Variants in NTM observed in about 807,000 individuals in gnomAD.
The protein encoded by NTM is neurotrimin, also known as IgLON family member 2.
A neutral mutation model predicts 42.1 loss-of-function variants in NTM; 13 were observed. The ratio of observed to expected loss-of-function variants is 0.31; its 90% confidence interval spans 0.20 to 0.49. NTM has a LOEUF of 0.49. NTM is among the 20% of genes least tolerant of loss of function. NTM has a pLI of 0.99. For missense variants in NTM, 373 were observed against 452.8 expected (o/e 0.82, Z 1.60); for synonymous variants, 187 against 179.2 (o/e 1.04, Z -0.35).
At chr11:132,085,142 G>A (rs2059544039) in intron 2 of NTM, among the ~76,000 whole-genome samples, 1 of 152,076 alleles carries the variant, frequency 6.6e-6, no homozygotes, top group African/African-American at 2.4e-5. Context: ...CTAATTTAAA[G>A]CAATATTTTA....
chr11:131,372,522 C>T (rs543930022), intron 1 of NTM, among the ~76,000 whole-genome samples: 16 of 152,136 alleles, frequency 1.1e-4, no homozygotes, highest in African/African-American at 3.9e-4. Flanking sequence ...AAGCTGAGTT[C>T]AGGATCGGGC....
intron 2 of NTM, among the ~76,000 whole-genome samples, chr11:132,064,353 A>G (rs2081126655): frequency 6.6e-6 from 1 of 152,134 alleles, no homozygotes; most frequent in African/African-American, 2.4e-5. Flanking sequence ...GCAAAGTTAC[A>G]TATATATATG....
At chr11:131,660,589 G>C (rs1592409653) in intron 1 of NTM, 5 of 457,652 alleles carry the variant, frequency 1.1e-5, no homozygotes, top group African/African-American at 6.0e-5. Context: ...TCGAAACCTT[G>C]CTGCCCACAT....
At chr11:131,627,581 C>T (rs1040314957) in intron 1 of NTM, among the ~76,000 whole-genome samples, 1 of 152,030 alleles carries the variant, frequency 6.6e-6, no homozygotes, top group Non-Finnish European at 1.5e-5. Context: ...CCTATAATCC[C>T]AGCATTTTGG....
intron 1 of NTM, among the ~76,000 whole-genome samples, chr11:131,457,411 A>AG (rs145589482): frequency 0.01 from 1,598 of 152,192 alleles, 42 homozygotes; most frequent in African/African-American, 0.035. Context: ...GGGGGAAGGG[A>AG]GGAGAGCAGC....
intron 2 of NTM, among the ~76,000 whole-genome samples, chr11:132,122,665 G>A (rs1422571892): frequency 6.6e-6 from 1 of 152,156 alleles, no homozygotes; most frequent in Non-Finnish European, 1.5e-5. Flanking sequence ...GGGTACCTCA[G>A]AGCCCCAGGG....
At chr11:131,752,046 CA>C in intron 1 of NTM, among the ~76,000 whole-genome samples, 1 of 152,098 alleles carries the variant, frequency 6.6e-6, no homozygotes, top group Non-Finnish European at 1.5e-5. Context: ...AAATGCAAAC[CA>C]AAACCACTAA....
At chr11:131,537,335 A>G (rs1319430210) in intron 1 of NTM, 1 of 152,198 alleles carries the variant, frequency 6.6e-6, no homozygotes, top group Non-Finnish European at 1.5e-5. Context: ...CAGGGGCAGT[A>G]ACATAGACCT....
chr11:132,247,949 T>C (rs1433355374), intron 4 of NTM, among the ~76,000 whole-genome samples: 1 of 152,126 alleles, frequency 6.6e-6, no homozygotes, highest in South Asian at 2.1e-4. Context: ...TCTTAAATCC[T>C]TGGATTTTCC....
chr11:131,998,496 G>A (rs1316531482), intron 2 of NTM, among the ~76,000 whole-genome samples: 4 of 152,188 alleles, frequency 2.6e-5, no homozygotes, highest in Non-Finnish European at 5.9e-5. Context: ...TTGCAAAGGG[G>A]ATAGTACTTA....
chr11:132,058,201 A>G (rs1594201424), intron 2 of NTM, among the ~76,000 whole-genome samples: 2 of 152,132 alleles, frequency 1.3e-5, no homozygotes, highest in East Asian at 3.9e-4. Context: ...GTAACGCTGA[A>G]TGACCATTTG....
rs114179393 is a variant in NTM, at chr11:131,916,731, G to A, written c.167+5083G>A. The stretch of plus-strand genomic sequence containing the variant: ...TAAGGGCGGAACTAGGCCTCCTCCA[G>A]GCTTGCCTCCTAATCCGCAGCACAT... On this transcript the variant is annotated intron_variant, in intron 2 of 8. Transcript: ENST00000683400. Among the ~76,000 whole-genome samples, 432 of 152,262 alleles carry A rather than the reference G, an allele frequency of 2.8e-3. 6 individuals carry two copies. Among genetic ancestry groups the A allele is most frequent in the African/African-American group, 9.5e-3 (394 of 41,552 alleles).
At chr11:131,629,806 T>C (rs2063480635) in intron 1 of NTM, among the ~76,000 whole-genome samples, 1 of 152,178 alleles carries the variant, frequency 6.6e-6, no homozygotes, top group African/African-American at 2.4e-5. Flanking sequence ...GTGTATCTGT[T>C]AGGACTAGGT....
Position 131,483,856 on chromosome 11 carries a change from C to G in NTM, c.82+112968C>G, listed in dbSNP as rs530950738. Among the ~76,000 whole-genome samples, 16 of 152,370 alleles carry G rather than the reference C, an allele frequency of 1.1e-4. No homozygotes were observed. In the East Asian group the frequency reaches 3.1e-3, roughly 29 times the overall value. ...AATTAAGGTCCAGGTAGAGGCAGGA[C>G]AAGGAAGACTTCTGCCTGGCGCTGC... On this transcript the variant is annotated intron_variant, in intron 1 of 8. Coordinates refer to ENST00000683400, the MANE Select transcript of NTM (RefSeq NM_001352005.2).
intron 1 of NTM, among the ~76,000 whole-genome samples, chr11:131,731,690 G>T (rs2079709933): frequency 1.3e-5 from 2 of 152,120 alleles, no homozygotes; most frequent in African/African-American, 4.8e-5. Flanking sequence ...CTGAACATTG[G>T]CTGCAAAGCT....
At chr11:132,050,547 C>G in intron 2 of NTM, among the ~76,000 whole-genome samples, 1 of 152,138 alleles carries the variant, frequency 6.6e-6, no homozygotes, top group Non-Finnish European at 1.5e-5. Flanking sequence ...GGGAGACAGG[C>G]GAAAACATGC....
intron 2 of NTM, among the ~76,000 whole-genome samples, chr11:131,954,272 G>A (rs2061336717): frequency 6.6e-6 from 1 of 152,220 alleles, no homozygotes; most frequent in Non-Finnish European, 1.5e-5. Flanking sequence ...TAGATGTGCA[G>A]AAGTCGGGGA....
intron 1 of NTM, chr11:131,671,319 C>T (rs917780491): frequency 3.4e-6 from 2 of 584,042 alleles, no homozygotes; most frequent in Non-Finnish European, 4.3e-6. Flanking sequence ...GGCGTCTATA[C>T]TCATCCTCCC....
At chr11:131,838,391 C>G (rs1408398395) in intron 1 of NTM, among the ~76,000 whole-genome samples, 1 of 152,154 alleles carries the variant, frequency 6.6e-6, no homozygotes, top group Non-Finnish European at 1.5e-5. Flanking sequence ...GGGTAGCAGA[C>G]GTTAAAAGGT....
Sources: allele counts gnomAD v4.1 joint callset (sites outside exome capture counted in the v4.1 genomes callset), GRCh38; gene constraint gnomAD v4.1.1; transcripts MANE v1.5; gene names NCBI Gene and HGNC (gene_info 2026-07-23, HGNC 2026-07-21).